NDRG3: variants seen among roughly 807,000 people sequenced by gnomAD.
NDRG3 encodes the protein protein NDRG3.
NDRG3 carries 23 observed loss-of-function variants against 57.2 expected under a neutral mutation model. That is an observed-to-expected ratio of 0.40 (90% confidence interval 0.29 to 0.57). The LOEUF is 0.57. Among genes scored for constraint, NDRG3 ranks in the 20% least tolerant of loss-of-function variants. The pLI, the probability that NDRG3 is intolerant of heterozygous loss-of-function variation, is 0.42. For synonymous variants in NDRG3, 132 were observed against 162.6 expected, an observed-to-expected ratio of 0.81 and a Z score of 1.43; for missense variants, 384 against 457.3, an observed-to-expected ratio of 0.84 and a Z score of 1.46.
At position 36,690,009 on chromosome 20, in the gene NDRG3, C is replaced by T. The variant is rs188787563; in HGVS notation, c.94-1225G>A. On this transcript the variant is annotated intron_variant, in intron 3 of 15. Coordinates refer to ENST00000349004, the MANE Select transcript of NDRG3 (RefSeq NM_032013.4). The stretch of plus-strand genomic sequence containing the variant: ...TGCTGAGATTACAGACGTGAGCCAC[C>T]GCGCCCAGCCTGTAATTGGAACTAA... Among the ~76,000 whole-genome samples the T allele has an allele frequency of 6.6e-5, 10 of 152,184 alleles. No individual in the cohort carries two copies. The East Asian group carries it at 9.7e-4, about 15-fold the overall frequency.
intron 8 of NDRG3, among the ~76,000 whole-genome samples, chr20:36,673,429 C>T (rs371986579): frequency 3.9e-5 from 6 of 152,072 alleles, no homozygotes; most frequent in Admixed American, 1.3e-4. Flanking sequence ...GACAGGGTCT[C>T]GTTCTCTTGT....
intron 2 of NDRG3, among the ~76,000 whole-genome samples, chr20:36,718,632 C>T (rs1984411107): frequency 1.3e-5 from 2 of 152,104 alleles, no homozygotes; most frequent in Admixed American, 6.6e-5. Flanking sequence ...TGCCTTCTTG[C>T]TGTGTCCCCA....
At chr20:36,741,518 T>C (rs527723119) in intron 1 of NDRG3, among the ~76,000 whole-genome samples, 7 of 152,320 alleles carry the variant, frequency 4.6e-5, no homozygotes, top group Non-Finnish European at 1.5e-5. Flanking sequence ...AAAAGCATTA[T>C]GTGCACAATG....
chr20:36,687,674 T>C, intron 4 of NDRG3, 62 bp from the exon 5 acceptor site: 1 of 1,558,098 alleles, frequency 6.4e-7, no homozygotes. Flanking sequence ...TTTCCTCTAC[T>C]CAGTCAATGC....
In NDRG3 at chr20:36,715,635, A is replaced by T. The variant is rs6101936; in HGVS notation, c.57+6044T>A. On this transcript the variant is annotated intron_variant, in intron 2 of 15. Transcript: ENST00000349004. ...GAGTTTGAGATCAGCGTGGGCAACA[A>T]AGTGAGACCTCTTCTCTACAAATAA... Among the ~76,000 whole-genome samples, 988 of 148,908 alleles carry T rather than the reference A, an allele frequency of 6.6e-3. 11 individuals carry two copies. Among genetic ancestry groups the T allele is most frequent in the African/African-American group, 0.023 (927 of 40,366 alleles).
At chr20:36,713,586 A>G (rs1007781397) in intron 2 of NDRG3, among the ~76,000 whole-genome samples, 2 of 152,200 alleles carry the variant, frequency 1.3e-5, no homozygotes, top group Non-Finnish European at 2.9e-5. Flanking sequence ...GAAAGATGAG[A>G]TAGTTGAAAG....
chr20:36,684,675 C>T (rs1981628420), intron 5 of NDRG3, among the ~76,000 whole-genome samples, 200 bp from the exon 6 acceptor site: 1 of 152,068 alleles, frequency 6.6e-6, no homozygotes, highest in Non-Finnish European at 1.5e-5. Flanking sequence ...CATGGAGAAA[C>T]CTCATCTCTA....
intron 1 of NDRG3, among the ~76,000 whole-genome samples, chr20:36,733,164 AAAAAAAAATATATATATATAT>A (rs1455315848): frequency 9.7e-5 from 5 of 51,418 alleles, no homozygotes. Flanking sequence ...AAAAAAAAAA[AAAAAAAAATATATATATATAT>A]ATATATATAT....
rs1979523179 is a variant in NDRG3, at chr20:36,665,244, T to C, written c.750A>G (p.Lys250=). ...GAAACTGAGGAACTTACTTTAATGT[T>C]TTTGATTTGTTATCATTTTGGCCCA... ...PILGQNDNKS[K]TLKCSTLLVV... is the part of the protein sequence containing the mutation. Residue 250 remains lysine, a synonymous_variant, in exon 11 of 16, where the codon AAA becomes AAG. Coordinates refer to ENST00000349004, the MANE Select transcript of NDRG3 (RefSeq NM_032013.4). The C allele has an allele frequency of 6.2e-7, 1 of 1,614,178 alleles. No individual in the cohort carries two copies. Among genetic ancestry groups the C allele is most frequent in the African/African-American group, 1.3e-5 (1 of 75,060 alleles).
intron 12 of NDRG3, among the ~76,000 whole-genome samples, chr20:36,663,503 A>C (rs1979375101): frequency 6.6e-6 from 1 of 152,228 alleles, no homozygotes; most frequent in South Asian, 2.1e-4. Flanking sequence ...AGAACTATCA[A>C]CTTCATTTGT....
chr20:36,678,294 T>C (rs1326869482), intron 8 of NDRG3, among the ~76,000 whole-genome samples: 2 of 152,062 alleles, frequency 1.3e-5, no homozygotes, highest in Admixed American at 6.6e-5. Context: ...GGGAGGGGAA[T>C]GAGGGTGAGG....
intron 12 of NDRG3, among the ~76,000 whole-genome samples, chr20:36,663,673 C>T (rs1979387656): frequency 6.6e-6 from 1 of 152,052 alleles, no homozygotes; most frequent in South Asian, 2.1e-4. Context: ...TGGAAAGGAA[C>T]CTGGCAAAAT....
chr20:36,672,977 C>T (rs1185363946), intron 8 of NDRG3, among the ~76,000 whole-genome samples: 1 of 152,110 alleles, frequency 6.6e-6, no homozygotes, highest in African/African-American at 2.4e-5. Context: ...GATTTTCCGG[C>T]CTCAGCCACC....
chr20:36,670,515 T>C (rs1980052740), intron 9 of NDRG3, among the ~76,000 whole-genome samples: 1 of 152,190 alleles, frequency 6.6e-6, no homozygotes, highest in African/African-American at 2.4e-5. Context: ...GCTCCACACT[T>C]ACAATCTGGA....
chr20:36,708,637 G>A (rs1983685950), intron 2 of NDRG3, among the ~76,000 whole-genome samples: 1 of 128,520 alleles, frequency 7.8e-6, no homozygotes, highest in African/African-American at 3.0e-5. Context: ...GTCAGAGCGA[G>A]ACTCCGTCTC....
chr20:36,690,978 T>C (rs1982221433), intron 3 of NDRG3, among the ~76,000 whole-genome samples: 1 of 152,290 alleles, frequency 6.6e-6, no homozygotes, highest in Non-Finnish European at 1.5e-5. Flanking sequence ...TGAGATTTAT[T>C]CTAGTCGTGC....
chr20:36,740,962 C>T lies in NDRG3; in HGVS notation c.-49+5083G>A, dbSNP rs6102027. Reference sequence around the variant, plus strand: ...ATCAAGCTAGCTAAGTTTTCGTGTGCTATTTTCAAGTGCTATTAAAAAAGA... The same window carrying T: ...ATCAAGCTAGCTAAGTTTTCGTGTGTTATTTTCAAGTGCTATTAAAAAAGA... On this transcript the variant is annotated intron_variant, in intron 1 of 15. Coordinates refer to ENST00000349004, the MANE Select transcript of NDRG3 (RefSeq NM_032013.4). 6.7e-3 allele frequency among the ~76,000 whole-genome samples: 1,023 copies of T among 152,134 alleles called. 13 individuals carry two copies. The highest frequency in any genetic ancestry group is 0.023 in the African/African-American group (961 of 41,510).
intron 1 of NDRG3, among the ~76,000 whole-genome samples, chr20:36,725,251 T>C (rs574410069): frequency 6.7e-6 from 1 of 148,772 alleles, no homozygotes; most frequent in Admixed American, 6.7e-5. Context: ...AAGCTGAGAT[T>C]GCGCCACCGC....
rs187793783 is a variant in NDRG3, at chr20:36,700,127, A to C, written c.93+6845T>G. Among the ~76,000 whole-genome samples, 650 of 151,754 alleles carry C rather than the reference A, an allele frequency of 4.3e-3. 8 individuals are homozygous for C. Among genetic ancestry groups the C allele is most frequent in the African/African-American group, 0.015 (617 of 41,394 alleles). Reference sequence around the variant, plus strand: ...ACAATCAGTCTCAAAAAAAAAAAAAAAAAAAAAGTAGATGAAGGAATAGGG... The same window carrying C: ...ACAATCAGTCTCAAAAAAAAAAAAACAAAAAAAGTAGATGAAGGAATAGGG... On this transcript the variant is annotated intron_variant, in intron 3 of 15. Coordinates refer to ENST00000349004, the MANE Select transcript of NDRG3 (RefSeq NM_032013.4).
Sources: allele counts gnomAD v4.1 joint callset (sites outside exome capture counted in the v4.1 genomes callset), GRCh38; gene constraint gnomAD v4.1.1; transcripts MANE v1.5; gene names NCBI Gene and HGNC (gene_info 2026-07-23, HGNC 2026-07-21).